The following ANO4 variants were observed in gnomAD, a reference collection of about 807,000 sequenced individuals.
ANO4 encodes anoctamin 4.
Under a neutral mutation model 141.9 loss-of-function variants are expected in ANO4, and 69 were observed. The ratio of observed to expected loss-of-function variants is 0.49; its 90% CI spans 0.40 to 0.59. The LOEUF (loss-of-function observed/expected upper bound fraction) is 0.59, where lower values mean the gene tolerates loss of function less well. ANO4 is among the 20% of genes least tolerant of loss of function. The probability of loss-of-function intolerance (pLI) is 0.00; values close to 1 mark genes in which losing one functional copy is unlikely to be tolerated. For synonymous variants in ANO4, 350 were observed against 394.3 expected (o/e 0.89, Z 1.33); for missense variants, 894 against 1,162.2 (o/e 0.77, Z 3.36).
Position 100,920,347 on chromosome 12 carries a change from T to G in ANO4, c.56-1879T>G, listed in dbSNP as rs116023454. On this transcript the variant is annotated intron_variant, in intron 2 of 27. Transcript: ENST00000392977. The stretch of plus-strand genomic sequence containing the variant: ...AATTACTCCATTGCATCGCACCTTC[T>G]TTTCAAGATTAAAGCCTAAATGATA... Among the ~76,000 whole-genome samples, 146 of 152,288 alleles carry G rather than the reference T, an allele frequency of 9.6e-4. 1 individual carries two copies. The highest frequency in any genetic ancestry group is 3.7e-3 in the Admixed American group (56 of 15,278).
At chr12:100,965,828 C>A (rs1270609628) in intron 5 of ANO4, among the ~76,000 whole-genome samples, 1 of 151,988 alleles carries the variant, frequency 6.6e-6, no homozygotes, top group Non-Finnish European at 1.5e-5. Flanking sequence ...TGCCACAGAA[C>A]TATATTCTTT....
chr12:100,820,345 G>A lies in ANO4; in HGVS notation c.-141+25318G>A, dbSNP rs1250339412. On this transcript the variant is annotated intron_variant, in intron 1 of 27. Transcript: ENST00000392977. ...TTACCCCATTCACCCCAGCAAGAAAGTCGGTTTCTCAAAAAAAAAAAAAAA... is the reference window on the plus strand; with the variant it reads ...TTACCCCATTCACCCCAGCAAGAAAATCGGTTTCTCAAAAAAAAAAAAAAA... 4.4e-5 allele frequency among the ~76,000 whole-genome samples: 4 copies of A among 90,834 alleles called. No homozygotes were observed. The Admixed American group carries it at 5.7e-4, about 13-fold the overall frequency. 59.6% of individuals were successfully genotyped at this position (90,834 alleles called of 152,430 possible).
intron 1 of ANO4, among the ~76,000 whole-genome samples, chr12:100,890,800 CCA>C (rs1642310888): frequency 6.6e-6 from 1 of 152,132 alleles, no homozygotes; most frequent in African/African-American, 2.4e-5. Context: ...ACATCATCAC[CCA>C]GAGTCCATAG....
At chr12:100,919,620 A>G (rs1438363650) in intron 2 of ANO4, among the ~76,000 whole-genome samples, 1 of 151,738 alleles carries the variant, frequency 6.6e-6, no homozygotes, top group East Asian at 1.9e-4. Flanking sequence ...TGCATTTCTC[A>G]GAAAGTATCC....
intron 3 of ANO4, among the ~76,000 whole-genome samples, chr12:100,932,832 C>A (rs1289053678): frequency 2.0e-5 from 3 of 152,108 alleles, no homozygotes; most frequent in African/African-American, 7.2e-5. Flanking sequence ...TTTCGTCTCC[C>A]AGGCAATTTA....
intron 20 of ANO4, 67 bp from the exon 21 acceptor site, chr12:101,097,781 T>C: frequency 1.9e-6 from 3 of 1,606,858 alleles, no homozygotes; most frequent in Non-Finnish European, 1.7e-6. Flanking sequence ...TTTGTGTAGA[T>C]TATAAACCAG....
intron 2 of ANO4, among the ~76,000 whole-genome samples, chr12:100,911,489 C>T (rs1297611817): frequency 3.3e-5 from 5 of 152,304 alleles, no homozygotes; most frequent in South Asian, 2.1e-4. Context: ...CTTGTGTAAT[C>T]GTCTTCAAAG....
chr12:100,783,588 G>T (rs2033773997), intron 3 of ANO4, among the ~76,000 whole-genome samples: 1 of 152,132 alleles, frequency 6.6e-6, no homozygotes, highest in South Asian at 2.1e-4. Flanking sequence ...ATAGGAAAGA[G>T]AAGGCACTCT....
chr12:100,912,324 G>A (rs1327867241), intron 2 of ANO4, among the ~76,000 whole-genome samples: 1 of 148,284 alleles, frequency 6.7e-6, no homozygotes, highest in Non-Finnish European at 1.5e-5. Context: ...GAACCTGGGA[G>A]GTAGAGGTTG....
At chr12:101,100,447 C>G (rs1180830365) in intron 22 of ANO4, among the ~76,000 whole-genome samples, 1 of 152,048 alleles carries the variant, frequency 6.6e-6, no homozygotes, top group East Asian at 1.9e-4. Flanking sequence ...TGCTTATGTT[C>G]TAAGTATCTA....
intron 14 of ANO4, among the ~76,000 whole-genome samples, chr12:101,053,124 A>G (rs774708686): frequency 1.3e-4 from 20 of 152,266 alleles, no homozygotes; most frequent in Non-Finnish European, 2.4e-4. Flanking sequence ...GTTGATAATT[A>G]TAATACAGGG....
chr12:101,007,788 T>C (rs1592996653), intron 8 of ANO4, among the ~76,000 whole-genome samples: 1 of 152,144 alleles, frequency 6.6e-6, no homozygotes, highest in Non-Finnish European at 1.5e-5. Flanking sequence ...TGCGTGATCA[T>C]AGCTTACTGC....
intron 7 of ANO4, among the ~76,000 whole-genome samples, chr12:100,976,818 C>G (rs1351431230): frequency 2.0e-5 from 3 of 152,176 alleles, no homozygotes; most frequent in Non-Finnish European, 4.4e-5. Context: ...AGAGGTTTCT[C>G]CCAACTTTGA....
chr12:100,811,631 A>G (rs2035441374), intron 1 of ANO4, among the ~76,000 whole-genome samples: 1 of 152,212 alleles, frequency 6.6e-6, no homozygotes, highest in African/African-American at 2.4e-5. Context: ...AGATGAAATC[A>G]GAACTGAATG....
chr12:100,935,696 C>T lies in ANO4; in HGVS notation c.161-3619C>T, dbSNP rs186504867. ...CTCTGAGAGCAGGGCCATGCCTGGG[C>T]TCTCCAGTACTTCAGCCCCGGTTCC... On this transcript the variant is annotated intron_variant, in intron 3 of 27. Coordinates refer to ENST00000392977, the MANE Select transcript of ANO4 (RefSeq NM_001286615.2). 2.7e-3 allele frequency among the ~76,000 whole-genome samples: 405 copies of T among 152,318 alleles called. 2 individuals carry two copies. Among genetic ancestry groups the T allele is most frequent in the Admixed American group, 4.7e-3 (72 of 15,302 alleles).
chr12:100,771,053 A>T (rs1317432936), intron 3 of ANO4, among the ~76,000 whole-genome samples: 2 of 152,206 alleles, frequency 1.3e-5, no homozygotes, highest in Non-Finnish European at 2.9e-5. Flanking sequence ...TACACATTTT[A>T]GAGCCAAATC....
chr12:100,736,044 G>A (rs576480117), intron 2 of ANO4, among the ~76,000 whole-genome samples: 1 of 152,150 alleles, frequency 6.6e-6, no homozygotes, highest in Non-Finnish European at 1.5e-5. Context: ...AACCAAGCAA[G>A]CACCTTTCTT....
rs551306808 is a variant in ANO4 at position 101,064,148 on chromosome 12, G to A, written c.1313-15045G>A. Among the ~76,000 whole-genome samples, 37 of 152,168 alleles carry A rather than the reference G, an allele frequency of 2.4e-4. 1 individual carries two copies. In the South Asian group the frequency reaches 7.3e-3, roughly 30 times the overall value. Reference sequence around the variant, plus strand: ...AGGTCTTTCTCATTTTCAAATATGAGTTTAATGCTATAAATTTCCTCTAAG... The same window carrying A: ...AGGTCTTTCTCATTTTCAAATATGAATTTAATGCTATAAATTTCCTCTAAG... On this transcript the variant is annotated intron_variant, in intron 14 of 27. Coordinates refer to ENST00000392977, the MANE Select transcript of ANO4 (RefSeq NM_001286615.2).
intron 3 of ANO4, among the ~76,000 whole-genome samples, chr12:100,747,152 A>G (rs2032149227): frequency 6.6e-6 from 1 of 152,172 alleles, no homozygotes; most frequent in Non-Finnish European, 1.5e-5. Context: ...GTTGAGAACC[A>G]CTGACTTACA....
Sources: allele counts gnomAD v4.1 joint callset (sites outside exome capture counted in the v4.1 genomes callset), GRCh38; gene constraint gnomAD v4.1.1; transcripts MANE v1.5; gene names NCBI Gene and HGNC (gene_info 2026-07-23, HGNC 2026-07-21).